The following GABRG2 variants were observed in gnomAD, a reference collection of about 807,000 sequenced individuals.
The protein encoded by GABRG2 is gamma-aminobutyric acid type A receptor subunit gamma2.
In GABRG2, 16 loss-of-function variants were observed where a neutral mutation model predicts 56.4. The observed-to-expected ratio is 0.28, with a 90% confidence interval of 0.19 to 0.43. The LOEUF (loss-of-function observed/expected upper bound fraction) is 0.43, where lower values mean the gene tolerates loss of function less well. Among genes scored for constraint, GABRG2 ranks in the 20% least tolerant of loss-of-function variants. GABRG2 has a pLI of 1.00. For missense variants in GABRG2, 327 were observed against 582.7 expected, an observed-to-expected ratio of 0.56 and a Z score of 4.52; for synonymous variants, 208 against 205.5, an observed-to-expected ratio of 1.01 and a Z score of -0.10.
rs147771440 is a variant in GABRG2 at position 162,085,379 on chromosome 5, A to G, written c.108-8449A>G. On this transcript the variant is annotated intron_variant, in intron 1 of 9. Coordinates refer to ENST00000639213, the MANE Select transcript of GABRG2 (RefSeq NM_198904.4). ...ACTGAAGTGCTTTATAAAGAGATAA[A>G]TGAGAAATATTCCAGTTTAATAATC... Among the ~76,000 whole-genome samples, 146 of 152,054 alleles carry G rather than the reference A, an allele frequency of 9.6e-4. 2 individuals carry two copies. The East Asian group carries it at 0.023, about 24-fold the overall frequency.
chr5:162,138,498 C>T (rs1227082444), intron 6 of GABRG2, among the ~76,000 whole-genome samples: 1 of 152,110 alleles, frequency 6.6e-6, no homozygotes, highest in Non-Finnish European at 1.5e-5. Flanking sequence ...AATTTAGAAT[C>T]AGTTATGAGG....
At chr5:162,150,718 T>G (rs1765307834) in intron 8 of GABRG2, 1 of 152,242 alleles carries the variant, frequency 6.6e-6, no homozygotes, top group South Asian at 2.1e-4. Flanking sequence ...TGTATTCTGA[T>G]GCAGCTGCAG....
chr5:162,150,334 A>T (rs1765279063), intron 8 of GABRG2: 1 of 152,228 alleles, frequency 6.6e-6, no homozygotes, highest in African/African-American at 2.4e-5. Context: ...GTTGATTTTG[A>T]TGATTTATAC....
At chr5:162,132,958 G>A (rs952211031) in intron 6 of GABRG2, among the ~76,000 whole-genome samples, 9 of 151,924 alleles carry the variant, frequency 5.9e-5, no homozygotes, top group Non-Finnish European at 7.4e-5. Context: ...CTCAGAAATT[G>A]AGTTGAACAA....
Position 162,072,995 on chromosome 5 carries a change from G to A in GABRG2, c.107+4889G>A, listed in dbSNP as rs116421588. Among the ~76,000 whole-genome samples the A allele has an allele frequency of 3.3e-3, 508 of 151,818 alleles. 2 individuals are homozygous for A. The highest frequency in any genetic ancestry group is 0.012 in the African/African-American group (494 of 41,462). On this transcript the variant is annotated intron_variant, in intron 1 of 9. Transcript: ENST00000639213. ...AGTTTGGGGTCTCAATCCATCAATA[G>A]TGTTCCTAGAAGTGTAACAGGTAGA...
intron 6 of GABRG2, among the ~76,000 whole-genome samples, chr5:162,133,767 G>A (rs543569267): frequency 1.3e-5 from 2 of 152,210 alleles, no homozygotes; most frequent in East Asian, 3.9e-4. Context: ...TTCTAGTAAA[G>A]GAAGGCAGAA....
At chr5:162,075,679 C>G (rs951462792) in intron 1 of GABRG2, among the ~76,000 whole-genome samples, 1 of 151,896 alleles carries the variant, frequency 6.6e-6, no homozygotes, top group Non-Finnish European at 1.5e-5. Context: ...AAATTTTATT[C>G]TTTTCCTAAA....
intron 6 of GABRG2, among the ~76,000 whole-genome samples, chr5:162,113,647 G>T (rs1762407872): frequency 1.3e-5 from 2 of 152,166 alleles, no homozygotes; most frequent in Non-Finnish European, 2.9e-5. Flanking sequence ...TTTGTAATCT[G>T]CCTATACTCA....
At chr5:162,125,519 C>G (rs1763284072) in intron 6 of GABRG2, among the ~76,000 whole-genome samples, 1 of 143,484 alleles carries the variant, frequency 7.0e-6, no homozygotes, top group African/African-American at 3.0e-5. Context: ...GGTTTGAGGT[C>G]TTGTGCCATT....
intron 6 of GABRG2, among the ~76,000 whole-genome samples, chr5:162,116,411 GT>G (rs1015433910): frequency 6.6e-6 from 1 of 151,552 alleles, no homozygotes; most frequent in Non-Finnish European, 1.5e-5. Context: ...TACCTCCAGT[GT>G]TTCTTTATTC....
chr5:162,138,886 G>A (rs143690596), intron 6 of GABRG2, among the ~76,000 whole-genome samples: 2 of 152,198 alleles, frequency 1.3e-5, no homozygotes, highest in East Asian at 3.9e-4. Context: ...TAGAGGGAAA[G>A]ACTTCTTTAC....
At chr5:162,068,886 G>C (rs1352630821) in intron 1 of GABRG2, among the ~76,000 whole-genome samples, 1 of 152,164 alleles carries the variant, frequency 6.6e-6, no homozygotes, top group African/African-American at 2.4e-5. Context: ...ATAGGGTGGA[G>C]AACGTAGTTA....
At chr5:162,101,201 A>G in intron 4 of GABRG2, 34 bp from the exon 5 acceptor site, 1 of 1,375,710 alleles carries the variant, frequency 7.3e-7, no homozygotes, top group Non-Finnish European at 1.0e-6. Flanking sequence ...ATTATGTCTA[A>G]AATCCATCTT....
At chr5:162,092,683 A>G (rs1449242668) in intron 1 of GABRG2, among the ~76,000 whole-genome samples, 1 of 152,156 alleles carries the variant, frequency 6.6e-6, no homozygotes, top group Non-Finnish European at 1.5e-5. Context: ...TTGAGAATAT[A>G]TGAATATATA....
chr5:162,152,946 T>G, intron 9 of GABRG2, 147 bp from the exon 10 acceptor site: 1 of 962,752 alleles, frequency 1.0e-6, no homozygotes, highest in Non-Finnish European at 1.6e-6. Context: ...CTAAGTTCAA[T>G]TTTACCATTG....
chr5:162,101,269 C>A lies in GABRG2; in HGVS notation c.583C>A (p.His195Asn), dbSNP rs981863613. ...TGATGCTGAGTGCCAATTACAATTGCACAACTTTCCAATGGATGAACACTC... is the reference window on the plus strand; with the variant it reads ...TGATGCTGAGTGCCAATTACAATTGAACAACTTTCCAATGGATGAACACTC... ...TIDAECQLQL[H>N]NFPMDEHSCP... is the part of the protein sequence containing the mutation. Residue 195 changes from histidine (H) to asparagine (N), a missense_variant, in exon 5 of 10, where the codon CAC (histidine) becomes AAC (asparagine). Physicochemically the swap from His to Asn is moderately conservative, Grantham distance 68. This residue lies in a region of GABRG2 where 104 missense variants were observed against 209.3 expected (regional missense o/e 0.50). Coordinates refer to ENST00000639213, the MANE Select transcript of GABRG2 (RefSeq NM_198904.4). The A allele has an allele frequency of 6.2e-7, 1 of 1,611,548 alleles. No individual in the cohort carries two copies. The highest frequency in any genetic ancestry group is 8.5e-7 in the Non-Finnish European group (1 of 1,177,950).
At chr5:162,103,123 G>T (rs1405057604) in intron 5 of GABRG2, 1 of 153,422 alleles carries the variant, frequency 6.5e-6, no homozygotes, top group Non-Finnish European at 1.5e-5. Context: ...CATCAATTCT[G>T]TGAGATAAGT....
At chr5:162,123,234 TA>T (rs1293335778) in intron 6 of GABRG2, among the ~76,000 whole-genome samples, 4 of 151,804 alleles carry the variant, frequency 2.6e-5, no homozygotes, top group Admixed American at 6.6e-5. Flanking sequence ...ATCCTCCTGA[TA>T]TTTTTTTTTC....
intron 4 of GABRG2, 108 bp downstream of exon 4, chr5:162,097,966 G>A: frequency 1.0e-6 from 1 of 954,738 alleles, no homozygotes; most frequent in Non-Finnish European, 1.6e-6. Context: ...TAAATTTCAA[G>A]ACTGCATCAG....
Sources: gnomAD v4.1 joint callset for allele counts (sites outside exome capture counted in the v4.1 genomes callset) on GRCh38, gnomAD v4.1.1 for gene constraint, gnomAD v4.1.1 regional missense constraint, MANE v1.5 for transcripts, NCBI Gene and HGNC (gene_info 2026-07-23, HGNC 2026-07-21) for gene names.